The following EPS8 variants were observed in gnomAD, a reference collection of about 807,000 sequenced individuals.
EPS8 encodes the protein EGFR pathway substrate 8, signaling adaptor, also known as epidermal growth factor receptor kinase substrate 8.
In EPS8, 42 loss-of-function variants were observed where a neutral mutation model predicts 103.8. That is an observed-to-expected ratio of 0.40 (90% CI 0.32 to 0.52). The LOEUF (loss-of-function observed/expected upper bound fraction) is 0.52, where lower values mean the gene tolerates loss of function less well. Among genes scored for constraint, EPS8 ranks in the 20% least tolerant of loss-of-function variants. The pLI is 0.40. For missense variants in EPS8, 969 were observed against 1,005.1 expected, an observed-to-expected ratio of 0.96 and a Z score of 0.49; for synonymous variants, 344 against 344.6, an observed-to-expected ratio of 1.00 and a Z score of 0.02.
chr12:15,723,262 G>A (rs952090096), intron 1 of EPS8, among the ~76,000 whole-genome samples: 1 of 152,154 alleles, frequency 6.6e-6, no homozygotes, highest in Non-Finnish European at 1.5e-5. Context: ...AGTAAGCCAT[G>A]ATTGTGCCAC....
intron 18 of EPS8, among the ~76,000 whole-genome samples, chr12:15,629,403 C>T (rs931768906): frequency 4.6e-5 from 7 of 152,120 alleles, no homozygotes; most frequent in Non-Finnish European, 1.0e-4. Context: ...GAGGGAAATG[C>T]TATAAACTTG....
In EPS8 at chr12:15,736,260, A is replaced by C. The variant is rs558337967; in HGVS notation, c.-22+52901T>G. Among the ~76,000 whole-genome samples, 9 of 152,336 alleles carry C rather than the reference A, an allele frequency of 5.9e-5. No homozygotes were observed. Among genetic ancestry groups the C allele is most frequent in the Non-Finnish European group, 1.0e-4 (7 of 68,028 alleles). On this transcript the variant is annotated intron_variant, in intron 1 of 20. Coordinates refer to ENST00000281172, the MANE Select transcript of EPS8 (RefSeq NM_004447.6). This position sits in a 1 kb window ranked among gnomAD's most constrained non-coding sequence, Gnocchi z 4.2. ...TGAACTGTAATAATTAACAATATTAACTTTTTTATAACATGAGTCTAGCAC... is the reference window on the plus strand; with the variant it reads ...TGAACTGTAATAATTAACAATATTACCTTTTTTATAACATGAGTCTAGCAC...
intron 18 of EPS8, among the ~76,000 whole-genome samples, chr12:15,624,764 C>T (rs1944917880): frequency 6.6e-6 from 1 of 152,176 alleles, no homozygotes; most frequent in Non-Finnish European, 1.5e-5. Context: ...TTAATGCTTC[C>T]TGACAATTAT....
In EPS8 at chr12:15,665,835, C is replaced by T. The variant is rs772702022; in HGVS notation, c.657G>A (p.Ala219=). The change falls in exon 8 of 21, where the codon GCG becomes GCA. Residue 219 remains alanine, a synonymous_variant. Transcript: ENST00000281172. ...CCACCTGGGTGACGGTCCCAGGGGG[C>T]GCAGGGGCAGGAGCTCTGGGTGGAG... ...IPPPPRAPAP[A]PPGTVTQVDV... is the part of the protein sequence containing the mutation. 165 of 1,613,668 alleles carry T rather than the reference C, an allele frequency of 1.0e-4. No homozygotes were observed. Among genetic ancestry groups the T allele is most frequent in the Non-Finnish European group, 1.3e-4 (158 of 1,179,876 alleles).
chr12:15,772,717 A>C lies in EPS8; in HGVS notation c.-22+16444T>G, dbSNP rs1169661329. Among the ~76,000 whole-genome samples, 1 of 152,192 alleles carries C rather than the reference A, an allele frequency of 6.6e-6. No homozygotes were observed. Among genetic ancestry groups the C allele is most frequent in the Non-Finnish European group, 1.5e-5 (1 of 68,022 alleles). ...TGTAGATGGGTAACAAAGCAGAGGTAGATGTTAACCAGGAAAGAACAGCAC... is the reference window on the plus strand; with the variant it reads ...TGTAGATGGGTAACAAAGCAGAGGTCGATGTTAACCAGGAAAGAACAGCAC... On this transcript the variant is annotated intron_variant, in intron 1 of 20. Coordinates refer to ENST00000281172, the MANE Select transcript of EPS8 (RefSeq NM_004447.6). The surrounding 1 kb of genome is among the most constrained non-coding windows in gnomAD (Gnocchi z 5.0).
intron 8 of EPS8, among the ~76,000 whole-genome samples, chr12:15,664,841 T>C (rs569912738): frequency 6.6e-6 from 1 of 152,220 alleles, no homozygotes; most frequent in Admixed American, 6.5e-5. Context: ...ATGAAGATAC[T>C]AGACCAAACA....
intron 1 of EPS8, among the ~76,000 whole-genome samples, chr12:15,739,273 C>A (rs758099982): frequency 6.6e-6 from 1 of 152,184 alleles, no homozygotes; most frequent in Admixed American, 6.5e-5. Context: ...ACAGTACAGT[C>A]CACATTCTCC....
intron 1 of EPS8, among the ~76,000 whole-genome samples, chr12:15,746,618 C>T (rs1252739047): frequency 1.3e-5 from 2 of 152,106 alleles, no homozygotes; most frequent in Non-Finnish European, 2.9e-5. Context: ...CACATGAGAT[C>T]GTATAACAGA....
chr12:15,660,845 C>A (rs766514587), intron 9 of EPS8, 105 bp from the exon 10 acceptor site: 53 of 624,840 alleles, frequency 8.5e-5, no homozygotes, highest in Non-Finnish European at 1.4e-4. Flanking sequence ...AGGAAGCAGC[C>A]CACATGCCAA....
chr12:15,634,211 C>A (rs775533503), intron 17 of EPS8, among the ~76,000 whole-genome samples: 4 of 152,232 alleles, frequency 2.6e-5, no homozygotes, highest in Non-Finnish European at 4.4e-5. Context: ...GACTCCCCAG[C>A]TGGGAACTGG....
intron 1 of EPS8, among the ~76,000 whole-genome samples, chr12:15,768,082 A>T (rs555774409): frequency 6.6e-6 from 1 of 152,262 alleles, no homozygotes; most frequent in South Asian, 2.1e-4. Context: ...TCCAATTTTT[A>T]AAAAAACTGT....
chr12:15,737,041 T>C (rs536732055), intron 1 of EPS8, among the ~76,000 whole-genome samples: 14 of 152,284 alleles, frequency 9.2e-5, no homozygotes, highest in African/African-American at 3.4e-4. Flanking sequence ...GTAAACCTGA[T>C]AAATGAGATG....
Position 15,665,811 on chromosome 12 carries a change from C to CAGGTGGAT in EPS8, c.680_681insATCCACCT (p.Asp228SerfsTer37). 1.2e-6 allele frequency: 2 copies of CAGGTGGAT among 1,613,872 alleles called. No individual in the cohort carries two copies. The highest frequency in any genetic ancestry group is 8.5e-7 in the Non-Finnish European group (1 of 1,179,946). On this transcript the variant is annotated frameshift_variant, in exon 8 of 21. Coordinates refer to ENST00000281172, the MANE Select transcript of EPS8 (RefSeq NM_004447.6). LOFTEE classifies it high-confidence loss of function. ...AGGCTGCCACTCGACTTCTAACATC[C>CAGGTGGAT]ACCTGGGTGACGGTCCCAGGGGGCG...
intron 3 of EPS8, among the ~76,000 whole-genome samples, chr12:15,676,848 T>A (rs905741135): frequency 3.9e-5 from 6 of 152,164 alleles, no homozygotes; most frequent in African/African-American, 1.2e-4. Context: ...GTATGGTAAT[T>A]TAAAAATGGC....
At chr12:15,636,218 C>T (rs1198476509) in intron 17 of EPS8, among the ~76,000 whole-genome samples, 1 of 152,030 alleles carries the variant, frequency 6.6e-6, no homozygotes, top group African/African-American at 2.4e-5. Flanking sequence ...CATCTGCTGC[C>T]CAGCTAAAAT....
chr12:15,627,495 T>C (rs1213911494), intron 18 of EPS8, among the ~76,000 whole-genome samples: 1 of 151,842 alleles, frequency 6.6e-6, no homozygotes, highest in Non-Finnish European at 1.5e-5. Context: ...AGAATCATCA[T>C]GTACAAACCC....
At position 15,749,809 on chromosome 12, in the gene EPS8, A is replaced by C. The variant is rs980554933; in HGVS notation, c.-22+39352T>G. On this transcript the variant is annotated intron_variant, in intron 1 of 20. Transcript: ENST00000281172. The surrounding 1 kb of genome is among the most constrained non-coding windows in gnomAD (Gnocchi z 4.0). ...TTCTGTTTTCTAACATTAGTTAGGG[A>C]ATATTAGTTGTGCTTCCACACACCA... Among the ~76,000 whole-genome samples the C allele has an allele frequency of 6.6e-6, 1 of 152,208 alleles. No individual in the cohort carries two copies. The highest frequency in any genetic ancestry group is 1.5e-5 in the Non-Finnish European group (1 of 68,036).
At position 15,714,110 on chromosome 12, in the gene EPS8, T is replaced by A. The variant is rs1213301589; in HGVS notation, c.-21-31138A>T. The stretch of plus-strand genomic sequence containing the variant: ...CAAAACAAAACAAAACAAAAAACAA[T>A]CCCCAATGAAGATGAGCTTATAAAT... On this transcript the variant is annotated intron_variant, in intron 1 of 20. Transcript: ENST00000281172. The surrounding 1 kb of genome is among the most constrained non-coding windows in gnomAD (Gnocchi z 4.1). Among the ~76,000 whole-genome samples, 1 of 151,454 alleles carries A rather than the reference T, an allele frequency of 6.6e-6. No individual in the cohort carries two copies. Among genetic ancestry groups the A allele is most frequent in the East Asian group, 1.9e-4 (1 of 5,168 alleles).
chr12:15,759,273 T>C lies in EPS8; in HGVS notation c.-22+29888A>G, dbSNP rs1283319729. Among the ~76,000 whole-genome samples, 1 of 152,092 alleles carries C rather than the reference T, an allele frequency of 6.6e-6. No individual in the cohort carries two copies. The highest frequency in any genetic ancestry group is 1.5e-5 in the Non-Finnish European group (1 of 67,974). On this transcript the variant is annotated intron_variant, in intron 1 of 20. Coordinates refer to ENST00000281172, the MANE Select transcript of EPS8 (RefSeq NM_004447.6). This position sits in a 1 kb window ranked among gnomAD's most constrained non-coding sequence, Gnocchi z 4.9. ...TAAAAGGAACATCTATTAATTCAAT[T>C]GGGAAGCTGAATAGTTTCTTGCCAA...
Sources: gnomAD v4.1 joint callset for allele counts (sites outside exome capture counted in the v4.1 genomes callset) on GRCh38, gnomAD v4.1.1 for gene constraint, Gnocchi (gnomAD v3.1) non-coding constraint, MANE v1.5 for transcripts, NCBI Gene and HGNC (gene_info 2026-07-23, HGNC 2026-07-21) for gene names.